PDILT: variants seen among roughly 807,000 people sequenced by gnomAD.
PDILT encodes the protein protein disulfide isomerase like, testis expressed, also known as protein disulfide-isomerase-like protein of the testis.
PDILT carries 43 observed loss-of-function variants against 53.7 expected under a neutral mutation model. The ratio of observed to expected loss-of-function variants is 0.80; its 90% CI spans 0.63 to 1.03. The LOEUF (loss-of-function observed/expected upper bound fraction) is 1.03. PDILT is among the 50% of genes least tolerant of loss of function. PDILT has a pLI of 0.00. For missense variants in PDILT, 727 were observed against 712.3 expected (o/e 1.02, Z -0.24); for synonymous variants, 282 against 274.2 (o/e 1.03, Z -0.28).
chr16:20,371,822 G>A (rs1342106733), intron 7 of PDILT, among the ~76,000 whole-genome samples: 1 of 151,796 alleles, frequency 6.6e-6, no homozygotes, highest in Non-Finnish European at 1.5e-5. Flanking sequence ...AAAACTTAGA[G>A]TAAAATTGGA....
At chr16:20,360,962 A>G (rs1256281829) in intron 10 of PDILT, among the ~76,000 whole-genome samples, 2 of 152,172 alleles carry the variant, frequency 1.3e-5, no homozygotes, top group East Asian at 1.9e-4. Flanking sequence ...CACTTTTCCT[A>G]TCTCTAATAT....
At chr16:20,389,329 G>A (rs962093152) in intron 2 of PDILT, among the ~76,000 whole-genome samples, 1 of 152,180 alleles carries the variant, frequency 6.6e-6, no homozygotes, top group Non-Finnish European at 1.5e-5. Context: ...TTCATAAAAA[G>A]TGGGGTTATT....
intron 3 of PDILT, among the ~76,000 whole-genome samples, chr16:20,377,851 G>A (rs1190734109): frequency 6.6e-6 from 1 of 152,188 alleles, no homozygotes; most frequent in Non-Finnish European, 1.5e-5. Context: ...CTACTTGGGA[G>A]GCTGAGGCAG....
chr16:20,364,119 T>C (rs1471088238), intron 9 of PDILT, among the ~76,000 whole-genome samples: 1 of 152,240 alleles, frequency 6.6e-6, no homozygotes, highest in Non-Finnish European at 1.5e-5. Flanking sequence ...GGGGGCATAA[T>C]GGCTGCAGCC....
intron 7 of PDILT, 88 bp downstream of exon 7, chr16:20,372,712 TAA>T: frequency 7.0e-7 from 1 of 1,437,858 alleles, no homozygotes; most frequent in South Asian, 1.5e-5. Flanking sequence ...ATTCAATTTA[TAA>T]TAAGCAGGGC....
intron 7 of PDILT, among the ~76,000 whole-genome samples, chr16:20,370,472 T>C (rs1240816971): frequency 6.6e-6 from 1 of 152,114 alleles, no homozygotes; most frequent in African/African-American, 2.4e-5. Flanking sequence ...TAGTTGATAG[T>C]AACAAGTCAT....
chr16:20,388,854 G>A (rs1966571940), intron 2 of PDILT: 1 of 152,128 alleles, frequency 6.6e-6, no homozygotes, highest in Non-Finnish European at 1.5e-5. Flanking sequence ...GGAGGTTGCG[G>A]TGAGCCAAGA....
intron 1 of PDILT, among the ~76,000 whole-genome samples, chr16:20,402,805 A>AGC (rs1966760576): frequency 6.6e-6 from 1 of 152,092 alleles, no homozygotes; most frequent in Non-Finnish European, 1.5e-5. Context: ...CTGAGACTGT[A>AGC]GCATCCACCC....
At chr16:20,403,891 T>C (rs920941070) in intron 1 of PDILT, among the ~76,000 whole-genome samples, 7 of 152,158 alleles carry the variant, frequency 4.6e-5, no homozygotes, top group African/African-American at 1.4e-4. Context: ...CCTCACATCG[T>C]CAGCCTTTTC....
chr16:20,403,185 C>T (rs1966765905), intron 1 of PDILT, among the ~76,000 whole-genome samples: 1 of 152,186 alleles, frequency 6.6e-6, no homozygotes, highest in Admixed American at 6.5e-5. Context: ...CTGTGGTTTC[C>T]CGCCAAGAGG....
chr16:20,403,745 C>T (rs137861103), intron 1 of PDILT, among the ~76,000 whole-genome samples: 22 of 152,284 alleles, frequency 1.4e-4, no homozygotes. Flanking sequence ...TACCAGGCCC[C>T]ACTGGCTCTG....
chr16:20,371,531 C>A (rs1486516850), intron 7 of PDILT, among the ~76,000 whole-genome samples: 1 of 152,148 alleles, frequency 6.6e-6, no homozygotes, highest in Non-Finnish European at 1.5e-5. Flanking sequence ...GGCACTGGAG[C>A]ACAGAGGTGA....
rs759339323 is a variant in PDILT at position 20,374,826 on chromosome 16, T to C, written c.677A>G (p.Lys226Arg). The stretch of plus-strand genomic sequence containing the variant: ...GCAATAGGATCAAAATCCTACCTTT[T>C]TGAACACCAGGACGCTGTCAAGGGT... ...HVTLDSVLVF[K>R]KGKIVNRQKL... The change falls in exon 5 of 12, where the codon AAA (lysine) becomes AGA (arginine). Residue 226 changes from lysine to arginine, a missense_variant. Lys to Arg is a conservative substitution (Grantham distance 26). Coordinates refer to ENST00000302451, the MANE Select transcript of PDILT (RefSeq NM_174924.2). The C allele has an allele frequency of 3.7e-6, 6 of 1,611,744 alleles. No individual in the cohort carries two copies. The South Asian group carries it at 5.5e-5, about 15-fold the overall frequency.
chr16:20,395,784 A>G (rs12920531), intron 2 of PDILT, among the ~76,000 whole-genome samples: 118,145 of 152,026 alleles, frequency 0.78, 46,873 homozygotes, highest in Non-Finnish European at 0.86. Flanking sequence ...GCTGGTTGTT[A>G]AAAAGAGCCT....
chr16:20,374,836 G>C lies in PDILT; in HGVS notation c.667C>G (p.Leu223Val). The part of the protein sequence containing the change: ...GRFHVTLDSV[L>V]VFKKGKIVNR... ...CAAAATCCTACCTTTTTGAACACCA[G>C]GACGCTGTCAAGGGTGACGTGGAAA... The change falls in exon 5 of 12, where the codon CTG (leucine) becomes GTG (valine). Residue 223 changes from leucine to valine, a missense_variant. Transcript: ENST00000302451. 1.2e-6 allele frequency: 2 copies of C among 1,613,174 alleles called. No homozygotes were observed. Among genetic ancestry groups the C allele is most frequent in the Non-Finnish European group, 1.7e-6 (2 of 1,179,666 alleles).
chr16:20,384,944 C>A, intron 2 of PDILT, 93 bp from the exon 3 acceptor site: 2 of 1,252,636 alleles, frequency 1.6e-6, no homozygotes, highest in Non-Finnish European at 2.3e-6. Context: ...GCTCCCGGAA[C>A]CTTTCTTGTG....
chr16:20,365,568 A>T, intron 8 of PDILT, 28 bp from the exon 9 acceptor site: 1 of 1,612,740 alleles, frequency 6.2e-7, no homozygotes, highest in Non-Finnish European at 8.5e-7. Context: ...GAGGCCTAAG[A>T]GTCTTCATAA....
chr16:20,365,630 T>C, intron 8 of PDILT, 90 bp from the exon 9 acceptor site: 1 of 1,470,444 alleles, frequency 6.8e-7, no homozygotes, highest in Non-Finnish European at 9.3e-7. Context: ...CACTAAAGGT[T>C]TTCTCGTGTT....
intron 2 of PDILT, among the ~76,000 whole-genome samples, chr16:20,386,698 C>T (rs1474781463): frequency 6.6e-6 from 1 of 152,228 alleles, no homozygotes; most frequent in Non-Finnish European, 1.5e-5. Context: ...TCACCGTCAT[C>T]GCCTTCGATA....
Sources: gnomAD v4.1 joint callset for allele counts (sites outside exome capture counted in the v4.1 genomes callset) on GRCh38, gnomAD v4.1.1 for gene constraint, MANE v1.5 for transcripts, NCBI Gene and HGNC (gene_info 2026-07-23, HGNC 2026-07-21) for gene names.